The following NHSL1 variants were observed in gnomAD, a reference collection of about 807,000 sequenced individuals.
NHSL1 encodes the protein NHS-like protein 1.
NHSL1 carries 48 observed loss-of-function variants against 95.0 expected under a neutral mutation model. The observed-to-expected ratio is 0.51, with a 90% CI of 0.40 to 0.64. The LOEUF is 0.64. NHSL1 is among the 30% of genes least tolerant of loss of function. The pLI is 0.00. For synonymous variants in NHSL1, 783 were observed against 833.9 expected (o/e 0.94, Z 1.05); for missense variants, 1,971 against 2,077.7 (o/e 0.95, Z 1.00).
rs535953779 is a variant in NHSL1, at chr6:138,432,872, G to A, written c.1473C>T (p.Pro491=). The change falls in exon 6 of 8, where the codon CCC becomes CCT. Residue 491 remains proline, a synonymous_variant. Transcript: ENST00000343505. This position sits in a 1 kb window ranked among gnomAD's most constrained non-coding sequence, Gnocchi z 4.4. ...QDLDPHSPGE[P]ALLSLCDSAV... ...CTGAGTCACAGAGGGACAACAGTGCGGGTTCACCAGGGGAATGAGGGTCTA... is the reference window on the plus strand; with the variant it reads ...CTGAGTCACAGAGGGACAACAGTGCAGGTTCACCAGGGGAATGAGGGTCTA... 4.7e-5 allele frequency: 73 copies of A among 1,551,494 alleles called. 1 individual carries two copies. In the South Asian group the frequency reaches 6.5e-4, roughly 14 times the overall value.
chr6:138,533,621 C>A (rs909387605), intron 1 of NHSL1, among the ~76,000 whole-genome samples: 2 of 152,154 alleles, frequency 1.3e-5, no homozygotes, highest in African/African-American at 4.8e-5. Context: ...TCTCATATTT[C>A]TGAAAATAAT....
At chr6:138,532,903 C>G (rs555883952) in intron 1 of NHSL1, among the ~76,000 whole-genome samples, 1 of 152,248 alleles carries the variant, frequency 6.6e-6, no homozygotes, top group South Asian at 2.1e-4. Context: ...GCTGAAAAGG[C>G]AGCCTATCAG....
intron 1 of NHSL1, among the ~76,000 whole-genome samples, chr6:138,581,732 G>T (rs7751302): frequency 6.9e-6 from 1 of 145,268 alleles, no homozygotes; most frequent in Non-Finnish European, 1.5e-5. Context: ...AGGAAAAAAA[G>T]TCAAAGCAGG....
chr6:138,448,001 G>A (rs1299519207), intron 3 of NHSL1, among the ~76,000 whole-genome samples: 1 of 152,130 alleles, frequency 6.6e-6, no homozygotes, highest in Non-Finnish European at 1.5e-5. Flanking sequence ...CATTTATATG[G>A]GAAAAAATCA....
At chr6:138,444,810 T>C (rs1392993691) in intron 4 of NHSL1, among the ~76,000 whole-genome samples, 1 of 152,200 alleles carries the variant, frequency 6.6e-6, no homozygotes, top group African/African-American at 2.4e-5. Context: ...TTATGACAGA[T>C]TAGAAAAACT....
At chr6:138,465,252 C>T (rs1427146356) in intron 3 of NHSL1, among the ~76,000 whole-genome samples, 3 of 152,050 alleles carry the variant, frequency 2.0e-5, no homozygotes, top group Non-Finnish European at 4.4e-5. Context: ...TCACAGGGAA[C>T]AATCTTACTC....
In NHSL1 at chr6:138,559,426, G is replaced by C. The variant is rs148955710; in HGVS notation, c.202+12284C>G. Among the ~76,000 whole-genome samples the C allele has an allele frequency of 5.9e-3, 894 of 152,294 alleles. 7 individuals carry two copies. The highest frequency in any genetic ancestry group is 0.011 in the Admixed American group (170 of 15,302). On this transcript the variant is annotated intron_variant, in intron 1 of 6. Coordinates refer to the NHSL1 transcript ENST00000427025. ...ACTTTCAAGGCTTATACACCAACGGGGTCCTGGACTAGGGGCGCAGAGGGG... is the reference window on the plus strand; with the variant it reads ...ACTTTCAAGGCTTATACACCAACGGCGTCCTGGACTAGGGGCGCAGAGGGG...
intron 1 of NHSL1, among the ~76,000 whole-genome samples, chr6:138,550,751 C>T (rs1782972061): frequency 6.6e-6 from 1 of 152,156 alleles, no homozygotes; most frequent in Non-Finnish European, 1.5e-5. Flanking sequence ...GCATAATACA[C>T]AGAATTAGTG....
chr6:138,596,644 G>A (rs755576205), intron 1 of NHSL1, among the ~76,000 whole-genome samples: 38 of 152,084 alleles, frequency 2.5e-4, no homozygotes, highest in Non-Finnish European at 4.7e-4. Flanking sequence ...AATCAGCAGC[G>A]CCGCAAAAGG....
chr6:138,519,459 T>C (rs907046704), intron 1 of NHSL1, among the ~76,000 whole-genome samples: 1 of 152,158 alleles, frequency 6.6e-6, no homozygotes, highest in African/African-American at 2.4e-5. Context: ...TCTTTTTTTT[T>C]AAACCAGAGA....
chr6:138,440,071 T>C (rs1053120556), intron 5 of NHSL1, among the ~76,000 whole-genome samples: 6 of 152,152 alleles, frequency 3.9e-5, no homozygotes, highest in African/African-American at 7.2e-5. Flanking sequence ...GGAATACTTA[T>C]GTGTATGTGC....
chr6:138,632,842 A>T (rs1193463678), intron 1 of NHSL1, among the ~76,000 whole-genome samples: 1 of 152,190 alleles, frequency 6.6e-6, no homozygotes, highest in Non-Finnish European at 1.5e-5. Flanking sequence ...TTCCAGGAAA[A>T]CATGTCCTCA....
At chr6:138,605,849 C>G (rs1212190171) in intron 1 of NHSL1, among the ~76,000 whole-genome samples, 1 of 152,162 alleles carries the variant, frequency 6.6e-6, no homozygotes, top group Non-Finnish European at 1.5e-5. Flanking sequence ...GAATAGCTAT[C>G]AAGCAAGGCA....
chr6:138,585,942 A>C (rs1784129357), intron 1 of NHSL1, among the ~76,000 whole-genome samples: 1 of 151,954 alleles, frequency 6.6e-6, no homozygotes, highest in Admixed American at 6.6e-5. Context: ...TTCCAGCTAC[A>C]AGGGAGCCAG....
Position 138,424,804 on chromosome 6 carries a change from T to C in NHSL1, c.4098A>G (p.Lys1366=). 6.5e-7 allele frequency: 1 copy of C among 1,548,986 alleles called. No homozygotes were observed. Reference sequence around the variant, plus strand: ...CATCTGAATCTCTACGGCCGAGGACTTTCCTTTTGGATCTGAGATTTAATA... The same window carrying C: ...CATCTGAATCTCTACGGCCGAGGACCTTCCTTTTGGATCTGAGATTTAATA... ...LFAAIHRSKR[K]VLGRRDSDDD... is the part of the protein sequence containing the mutation. The change falls in exon 8 of 8, where the codon AAA becomes AAG. Residue 1366 remains lysine, a synonymous_variant. Coordinates refer to ENST00000343505, the MANE Select transcript of NHSL1 (RefSeq NM_001144060.2). This position sits in a 1 kb window ranked among gnomAD's most constrained non-coding sequence, Gnocchi z 5.9.
chr6:138,619,646 G>T (rs1288945329), intron 1 of NHSL1, among the ~76,000 whole-genome samples: 2 of 152,092 alleles, frequency 1.3e-5, no homozygotes. Context: ...GAGTGGTCAG[G>T]CATGGTGACT....
rs1185394700 is a variant in NHSL1 at position 138,473,406 on chromosome 6, T to C, written c.239A>G (p.Tyr80Cys). The C allele has an allele frequency of 6.6e-7, 1 of 1,523,274 alleles. No homozygotes were observed. The highest frequency in any genetic ancestry group is 1.4e-5 in the African/African-American group (1 of 72,164). 94.4% of individuals were successfully genotyped at this position (1,523,274 alleles called of 1,614,324 possible). A position where few individuals can be genotyped will look rare whatever the true frequency, so the allele number is the denominator to read the frequency against. Residue 80 changes from tyrosine to cysteine, a missense_variant, in exon 3 of 8, where the codon TAC becomes TGC. By Grantham distance (194) the Tyr-to-Cys change is radical. Coordinates refer to ENST00000343505, the MANE Select transcript of NHSL1 (RefSeq NM_001144060.2). ...CTGAGAGTAGTACTGAGAACTGCGG[T>C]AGCCATCATGCCGCAACTTATCGCA... is the stretch of plus-strand genomic sequence containing the variant. ...RECDKLRHDGYRSSQYYSQGP... is the reference protein window; with the variant it reads ...RECDKLRHDGCRSSQYYSQGP...
At position 138,601,541 on chromosome 6, in the gene NHSL1, C is replaced by T. The variant is rs556763589; in HGVS notation, c.96+90935G>A. 3.0e-4 allele frequency among the ~76,000 whole-genome samples: 45 copies of T among 152,122 alleles called. 1 individual carries two copies. The highest frequency in any genetic ancestry group is 2.6e-3 in the Admixed American group (40 of 15,274). On this transcript the variant is annotated intron_variant, in intron 1 of 3. Transcript: ENST00000491526. ...TATAAGAGTTTTTCTTGCCCGGGCA[C>T]GGTGGCTCATGCCTGCAATCCCAGC...
chr6:138,616,768 C>G (rs1461990817), intron 1 of NHSL1, among the ~76,000 whole-genome samples: 1 of 152,174 alleles, frequency 6.6e-6, no homozygotes, highest in Non-Finnish European at 1.5e-5. Context: ...TCCCTACCTC[C>G]TCCTATCAAG....
Sources: allele counts gnomAD v4.1 joint callset (sites outside exome capture counted in the v4.1 genomes callset), GRCh38; gene constraint gnomAD v4.1.1; non-coding constraint Gnocchi (gnomAD v3.1); transcripts MANE v1.5; gene names NCBI Gene and HGNC (gene_info 2026-07-23, HGNC 2026-07-21).